Variants in CNTN1 observed in about 807,000 individuals in gnomAD.
The protein encoded by CNTN1 is contactin 1, also known as contactin-1.
A neutral mutation model predicts 126.4 loss-of-function variants in CNTN1; 38 were observed. The ratio of observed to expected loss-of-function variants is 0.30; its 90% CI spans 0.23 to 0.39. The LOEUF is 0.39. Among genes scored for constraint, CNTN1 ranks in the 10% least tolerant of loss-of-function variants. The probability of loss-of-function intolerance (pLI) is 1.00; values close to 1 mark genes in which losing one functional copy is unlikely to be tolerated. For synonymous variants in CNTN1, 413 were observed against 422.6 expected (o/e 0.98, Z 0.28); for missense variants, 1,009 against 1,248.4 (o/e 0.81, Z 2.89).
At chr12:40,957,304 A>C (rs1946922772) in intron 14 of CNTN1, among the ~76,000 whole-genome samples, 1 of 152,000 alleles carries the variant, frequency 6.6e-6, no homozygotes, top group African/African-American at 2.4e-5. Flanking sequence ...AGAGATTGGT[A>C]GTAGGAGTGG....
At chr12:40,793,144 C>T (rs1940283706) in intron 1 of CNTN1, among the ~76,000 whole-genome samples, 1 of 152,096 alleles carries the variant, frequency 6.6e-6, no homozygotes, top group Admixed American at 6.6e-5. Flanking sequence ...GGGCTGCTAC[C>T]TGTGAGGCTT....
intron 1 of CNTN1, among the ~76,000 whole-genome samples, chr12:40,855,752 T>A (rs754146483): frequency 1.3e-4 from 20 of 152,154 alleles, no homozygotes; most frequent in Non-Finnish European, 1.9e-4. Flanking sequence ...GACGGGCTTT[T>A]AAAATTTTAA....
At chr12:40,919,773 A>C (rs10879360) in intron 4 of CNTN1, among the ~76,000 whole-genome samples, 77,963 of 151,934 alleles carry the variant, frequency 0.51, 20,539 homozygotes, top group African/African-American at 0.65. Context: ...ATCCCATTGA[A>C]ATTATTTTTA....
At chr12:40,831,688 C>A (rs1475400259) in intron 1 of CNTN1, among the ~76,000 whole-genome samples, 4 of 152,092 alleles carry the variant, frequency 2.6e-5, no homozygotes, top group Admixed American at 2.6e-4. Flanking sequence ...ATACCTTTTA[C>A]TCCATTTTCA....
intron 1 of CNTN1, among the ~76,000 whole-genome samples, chr12:40,815,307 T>G (rs1301926050): frequency 6.6e-6 from 1 of 152,216 alleles, no homozygotes; most frequent in African/African-American, 2.4e-5. Flanking sequence ...TCCATTTGTT[T>G]GTGTTCTCTC....
chr12:40,993,024 A>G (rs1392048004), intron 16 of CNTN1, 96 bp from the exon 17 acceptor site: 36 of 1,130,858 alleles, frequency 3.2e-5, no homozygotes, highest in Middle Eastern at 2.3e-4. Context: ...AGTGTAATAT[A>G]TACCATTCTC....
intron 1 of CNTN1, among the ~76,000 whole-genome samples, chr12:40,745,745 C>T (rs1938155227): frequency 6.6e-6 from 1 of 152,168 alleles, no homozygotes; most frequent in Admixed American, 6.6e-5. Context: ...CAGAAGACAA[C>T]TTTGCAGGGC....
intron 1 of CNTN1, among the ~76,000 whole-genome samples, chr12:40,834,086 TA>T (rs1259728002): frequency 6.6e-6 from 1 of 152,208 alleles, no homozygotes; most frequent in African/African-American, 2.4e-5. Context: ...TGCAAAACTT[TA>T]GAACAATGAA....
At chr12:40,965,959 C>A (rs3794247) in intron 15 of CNTN1, among the ~76,000 whole-genome samples, 70,100 of 150,180 alleles carry the variant, frequency 0.47, 16,284 homozygotes, top group Admixed American at 0.5. Context: ...ATATACACAC[C>A]AAGTTAAACA....
At chr12:40,976,695 C>G (rs2137058184) in intron 15 of CNTN1, among the ~76,000 whole-genome samples, 1 of 152,162 alleles carries the variant, frequency 6.6e-6, no homozygotes, top group Admixed American at 6.6e-5. Flanking sequence ...TCTACCTCAA[C>G]ACTTTTCTGT....
intron 21 of CNTN1, among the ~76,000 whole-genome samples, 160 bp from the exon 22 acceptor site, chr12:41,027,697 A>T (rs1027895009): frequency 6.6e-6 from 1 of 152,190 alleles, no homozygotes; most frequent in Non-Finnish European, 1.5e-5. Flanking sequence ...GGACTCATGG[A>T]TGTAAAGTGC....
chr12:40,855,065 T>C (rs1942854610), intron 1 of CNTN1, among the ~76,000 whole-genome samples: 1 of 152,098 alleles, frequency 6.6e-6, no homozygotes, highest in Non-Finnish European at 1.5e-5. Flanking sequence ...CTGGCTACTG[T>C]TGTGAAAACA....
intron 1 of CNTN1, among the ~76,000 whole-genome samples, chr12:40,855,136 G>A (rs1942857638): frequency 1.3e-5 from 2 of 152,096 alleles, no homozygotes; most frequent in African/African-American, 2.4e-5. Flanking sequence ...CAGTAACCTT[G>A]GATAGAAATA....
At chr12:41,010,326 A>C (rs751321975) in intron 17 of CNTN1, among the ~76,000 whole-genome samples, 12 of 152,166 alleles carry the variant, frequency 7.9e-5, no homozygotes, top group Non-Finnish European at 1.2e-4. Context: ...CAGGCTAGAC[A>C]AGGTTAAGGT....
chr12:40,740,584 C>T (rs182343843), intron 1 of CNTN1, among the ~76,000 whole-genome samples: 1 of 152,066 alleles, frequency 6.6e-6, no homozygotes, highest in Non-Finnish European at 1.5e-5. Context: ...CCTTGGCCTC[C>T]CTCTTCAGCC....
chr12:40,940,036 C>T (rs750108795), intron 12 of CNTN1, among the ~76,000 whole-genome samples: 4 of 152,052 alleles, frequency 2.6e-5, no homozygotes, highest in African/African-American at 7.2e-5. Flanking sequence ...AAGCAGTGTA[C>T]AACTTATATA....
intron 14 of CNTN1, among the ~76,000 whole-genome samples, chr12:40,952,579 TTATAG>T (rs66998690): frequency 0.033 from 5,070 of 152,072 alleles, 109 homozygotes; most frequent in Middle Eastern, 0.11. Flanking sequence ...GTGGCTATAG[TTATAG>T]TAGTTTTGTG....
At position 40,767,304 on chromosome 12, in the gene CNTN1, C is replaced by CTTTTTTTT. The variant is rs10639318; in HGVS notation, c.-77+74727_-77+74734dup. 6.9e-4 allele frequency among the ~76,000 whole-genome samples: 62 copies of CTTTTTTTT among 89,730 alleles called. 3 individuals are homozygous for CTTTTTTTT. Among genetic ancestry groups the CTTTTTTTT allele is most frequent in the Admixed American group, 9.7e-4 (6 of 6,164 alleles). 58.9% of individuals were successfully genotyped at this position (89,730 alleles called of 152,430 possible). A position where few individuals can be genotyped will look rare whatever the true frequency, so the allele number is the denominator to read the frequency against. On this transcript the variant is annotated intron_variant, in intron 1 of 23. Transcript: ENST00000551295. ...ATTATCTTATTTCTGCTGACCTTTC[C>CTTTTTTTT]TTTTTTTTTTTTTTTTTTTTTTGAG...
chr12:40,847,109 A>G (rs1315927176), intron 1 of CNTN1, among the ~76,000 whole-genome samples: 1 of 151,976 alleles, frequency 6.6e-6, no homozygotes, highest in Non-Finnish European at 1.5e-5. Context: ...TTCGTGATCC[A>G]CCCACCTCGG....
Sources: allele counts gnomAD v4.1 joint callset (sites outside exome capture counted in the v4.1 genomes callset), GRCh38; gene constraint gnomAD v4.1.1; transcripts MANE v1.5; gene names NCBI Gene and HGNC (gene_info 2026-07-23, HGNC 2026-07-21).